PLA2G4F: variants seen among roughly 807,000 people sequenced by gnomAD.
PLA2G4F encodes the protein phospholipase A2 group IVF.
PLA2G4F carries 105 observed loss-of-function variants against 103.1 expected under a neutral mutation model. The observed-to-expected ratio is 1.02, with a 90% confidence interval of 0.87 to 1.20. The LOEUF is 1.20. Among genes scored for constraint, PLA2G4F ranks in the 50% most tolerant of loss-of-function variants. The pLI, the probability that PLA2G4F is intolerant of heterozygous loss-of-function variation, is 0.00. For missense variants in PLA2G4F, 1,155 were observed against 1,075.9 expected (o/e 1.07, Z -1.03); for synonymous variants, 468 against 441.1 (o/e 1.06, Z -0.76).
At chr15:42,155,865 G>A (rs2049010012) in intron 1 of PLA2G4F, among the ~76,000 whole-genome samples, 1 of 152,214 alleles carries the variant, frequency 6.6e-6, no homozygotes, top group South Asian at 2.1e-4. Flanking sequence ...CACACCTGCA[G>A]CTCCCCTCAG....
chr15:42,150,356 C>T lies in PLA2G4F; in HGVS notation c.885+17G>A, dbSNP rs1338727129. 3 of 1,593,396 alleles carry T rather than the reference C, an allele frequency of 1.9e-6. No individual in the cohort carries two copies. Among genetic ancestry groups the T allele is most frequent in the South Asian group, 1.1e-5 (1 of 88,022 alleles). On this transcript the variant is annotated intron_variant, in intron 9 of 19. Transcript: ENST00000397272. ...AGAGCAGGCAGGGGTCCCTCTGGCA[C>T]CCAGACAGAGCCTTACCTCCCCCAG...
chr15:42,147,478 G>C, intron 12 of PLA2G4F, 132 bp from the exon 13 acceptor site: 2 of 1,368,910 alleles, frequency 1.5e-6, no homozygotes, highest in East Asian at 4.6e-5. Context: ...AACTCAGAGG[G>C]GCGCTTGGGA....
intron 7 of PLA2G4F, chr15:42,151,109 G>A (rs1770879888): frequency 1.0e-6 from 1 of 982,154 alleles, no homozygotes; most frequent in Non-Finnish European, 1.2e-6. Flanking sequence ...TTTATCATAA[G>A]AATGAGCAGT....
At chr15:42,151,760 G>A (rs935383339) in intron 7 of PLA2G4F, 19 of 769,584 alleles carry the variant, frequency 2.5e-5, no homozygotes, top group South Asian at 1.8e-4. Flanking sequence ...CATATAATCC[G>A]TGGTTGAGAG....
intron 2 of PLA2G4F, 161 bp from the exon 3 acceptor site, chr15:42,154,619 C>T: frequency 1.4e-6 from 1 of 735,534 alleles, no homozygotes; most frequent in Non-Finnish European, 2.0e-6. Flanking sequence ...TGATGTCTTT[C>T]ACTCCATCTT....
intron 18 of PLA2G4F, 100 bp from the exon 19 acceptor site, chr15:42,142,814 C>T (rs932782772): frequency 2.4e-6 from 3 of 1,239,332 alleles, no homozygotes; most frequent in South Asian, 2.7e-5. Flanking sequence ...AGCTCTGTTT[C>T]TGACTAGCTG....
At chr15:42,142,356 G>T in intron 19 of PLA2G4F, 152 bp from the exon 20 acceptor site, 1 of 1,165,202 alleles carries the variant, frequency 8.6e-7, no homozygotes. Context: ...CCCCAGGAGG[G>T]GCTGGCCCCA....
intron 7 of PLA2G4F, chr15:42,151,614 C>T (rs2048963442): frequency 3.0e-6 from 3 of 985,370 alleles, no homozygotes; most frequent in Non-Finnish European, 2.4e-6. Flanking sequence ...TACAGCCCCT[C>T]CTTGCACTAG....
Position 42,145,826 on chromosome 15 carries a change from C to G in PLA2G4F, c.1612G>C (p.Glu538Gln). The G allele has an allele frequency of 6.2e-7, 1 of 1,614,148 alleles. No individual in the cohort carries two copies. Among genetic ancestry groups the G allele is most frequent in the South Asian group, 1.1e-5 (1 of 91,084 alleles). Reference sequence around the variant, plus strand: ...TGCAGCAATCGTCCCATGAAGAGTTCTGAGCCGAAGAGCTCGGTGGGAACA... The same window carrying G: ...TGCAGCAATCGTCCCATGAAGAGTTGTGAGCCGAAGAGCTCGGTGGGAACA... ...AYVPTELFGSELFMGRLLQLQ... is the reference protein window; with the variant it reads ...AYVPTELFGSQLFMGRLLQLQ... The change falls in exon 15 of 20, where the codon GAA becomes CAA. Residue 538 changes from glutamate (E) to glutamine (Q), a missense_variant. Transcript: ENST00000397272.
chr15:42,150,084 C>T lies in PLA2G4F; in HGVS notation c.923+20G>A. ...TTCTAGCCCAGCCCCAAGAGGCCTT[C>T]TGCCTGGAGTCCCACTCACCTCATT... On this transcript the variant is annotated intron_variant, in intron 10 of 19. Coordinates refer to ENST00000397272, the MANE Select transcript of PLA2G4F (RefSeq NM_213600.4). The T allele has an allele frequency of 6.2e-7, 1 of 1,614,166 alleles. No homozygotes were observed. Among genetic ancestry groups the T allele is most frequent in the Non-Finnish European group, 8.5e-7 (1 of 1,179,996 alleles).
At chr15:42,155,025 TACTC>T (rs2049000221) in intron 2 of PLA2G4F, among the ~76,000 whole-genome samples, 1 of 151,590 alleles carries the variant, frequency 6.6e-6, no homozygotes. Context: ...CACACACTCG[TACTC>T]AGTCACACAC....
chr15:42,146,850 G>C, intron 13 of PLA2G4F: 1 of 399,228 alleles, frequency 2.5e-6, no homozygotes. Context: ...AAGGGGGGCC[G>C]AGGCATGGGT....
chr15:42,153,633 C>T lies in PLA2G4F; in HGVS notation c.478G>A (p.Val160Ile). The change falls in exon 5 of 20, where the codon GTT becomes ATT. Residue 160 changes from valine to isoleucine, a missense_variant. Physicochemically the swap from Val to Ile is conservative, Grantham distance 29. Transcript: ENST00000397272. ...ACCAGAACTCACCTCTTCTCCAGAA[C>T]AAATTCCACCTGCAGCTCTTGTGAA... Reference protein sequence around the residue: ...QDSQELQVEFVLEKSQVPASE... With the variant: ...QDSQELQVEFILEKSQVPASE... 1.2e-6 allele frequency: 2 copies of T among 1,614,200 alleles called. No homozygotes were observed. Among genetic ancestry groups the T allele is most frequent in the Admixed American group, 1.7e-5 (1 of 60,024 alleles).
Position 42,153,603 on chromosome 15 carries a change from G to A in PLA2G4F, c.491+17C>T, listed in dbSNP as rs1265777808. 3 of 1,613,874 alleles carry A rather than the reference G, an allele frequency of 1.9e-6. No individual in the cohort carries two copies. Among genetic ancestry groups the A allele is most frequent in the Non-Finnish European group, 2.5e-6 (3 of 1,179,862 alleles). On this transcript the variant is annotated intron_variant, in intron 5 of 19. Transcript: ENST00000397272. Reference sequence around the variant, plus strand: ...AATCTCTGAGTCTCTGAGGGCGTTGGCTCTACCAGAACTCACCTCTTCTCC... The same window carrying A: ...AATCTCTGAGTCTCTGAGGGCGTTGACTCTACCAGAACTCACCTCTTCTCC...
In PLA2G4F at chr15:42,152,825, G is replaced by A. The variant is rs1051163224; in HGVS notation, c.535-71C>T. The A allele has an allele frequency of 8.4e-6, 12 of 1,427,370 alleles. No homozygotes were observed. The African/African-American group carries it at 1.6e-4, about 19-fold the overall frequency. The allele number at this position is 1,427,370 out of a possible 1,614,324, so 88.4% of individuals were successfully genotyped here. A position where few individuals can be genotyped will look rare whatever the true frequency, so the allele number is the denominator to read the frequency against. On this transcript the variant is annotated intron_variant, in intron 6 of 19. Transcript: ENST00000397272. ...AGCCAGGATGGAGAGAGGGAGGAGT[G>A]CCTAGGGCAGGGTCTGGGAAACAGC...
chr15:42,145,765 C>A lies in PLA2G4F; in HGVS notation c.1672+1G>T, dbSNP rs987667206. On this transcript the variant is annotated splice_donor_variant, in intron 15 of 19. Coordinates refer to ENST00000397272, the MANE Select transcript of PLA2G4F (RefSeq NM_213600.4). LOFTEE classifies it high-confidence loss of function. Reference sequence around the variant, plus strand: ...TCCCCAGCCCTCCAGCCTCGACTCACCTTGCAGGTAACAGATCCGGGGTTC... The same window carrying A: ...TCCCCAGCCCTCCAGCCTCGACTCAACTTGCAGGTAACAGATCCGGGGTTC... 1 of 1,613,984 alleles carries A rather than the reference C, an allele frequency of 6.2e-7. No individual in the cohort carries two copies. The highest frequency in any genetic ancestry group is 1.7e-5 in the Admixed American group (1 of 60,010).
Position 42,141,609 on chromosome 15 carries a change from C to T in PLA2G4F, c.*375G>A, listed in dbSNP as rs1049753678. On this transcript the variant is annotated 3_prime_UTR_variant, in exon 20 of 20. Transcript: ENST00000397272. Reference sequence around the variant, plus strand: ...AGGAGGACAGCTGGCTTCTCAGTGCCCTCAGCCCCTGTTCTGTGTGGGTCT... The same window carrying T: ...AGGAGGACAGCTGGCTTCTCAGTGCTCTCAGCCCCTGTTCTGTGTGGGTCT... 1.3e-5 allele frequency: 6 copies of T among 473,440 alleles called. No individual in the cohort carries two copies. Among genetic ancestry groups the T allele is most frequent in the African/African-American group, 7.9e-5 (4 of 50,734 alleles). The allele number at this position is 473,440 out of a possible 1,614,324, so 29.3% of individuals were successfully genotyped here. A position where few individuals can be genotyped will look rare whatever the true frequency, so the allele number is the denominator to read the frequency against.
intron 2 of PLA2G4F, 96 bp from the exon 3 acceptor site, chr15:42,154,554 G>C (rs2048993314): frequency 1.4e-6 from 2 of 1,388,946 alleles, no homozygotes; most frequent in East Asian, 5.1e-5. Context: ...GAGCAGAGTG[G>C]GGAGGGGAAG....
chr15:42,156,326 G>A (rs1185305694), intron 1 of PLA2G4F, 113 bp downstream of exon 1: 2 of 751,104 alleles, frequency 2.7e-6, no homozygotes, highest in African/African-American at 3.7e-5. Context: ...AGAATAAACA[G>A]GTCCCACCCC....
Sources: gnomAD v4.1 joint callset for allele counts (sites outside exome capture counted in the v4.1 genomes callset) on GRCh38, gnomAD v4.1.1 for gene constraint, MANE v1.5 for transcripts, NCBI Gene and HGNC (gene_info 2026-07-23, HGNC 2026-07-21) for gene names.